STXBP5: variants seen among roughly 807,000 people sequenced by gnomAD.
STXBP5 encodes syntaxin binding protein 5, also known as syntaxin-binding protein 5.
STXBP5 carries 50 observed loss-of-function variants against 152.4 expected under a neutral mutation model. That is an observed-to-expected ratio of 0.33 (90% CI 0.26 to 0.42). STXBP5 has a LOEUF of 0.42. Among genes scored for constraint, STXBP5 ranks in the 10% least tolerant of loss-of-function variants. STXBP5 has a pLI of 1.00. For missense variants in STXBP5, 1,167 were observed against 1,388.6 expected (o/e 0.84, Z 2.54); for synonymous variants, 492 against 494.7 (o/e 0.99, Z 0.07).
At chr6:147,225,020 T>G (rs997208453) in intron 2 of STXBP5, among the ~76,000 whole-genome samples, 2 of 152,226 alleles carry the variant, frequency 1.3e-5, no homozygotes, top group Non-Finnish European at 2.9e-5. Context: ...TTTGAAGGCA[T>G]ATCAAAATAC....
At chr6:147,233,902 A>T (rs949043084) in intron 2 of STXBP5, among the ~76,000 whole-genome samples, 1 of 149,794 alleles carries the variant, frequency 6.7e-6, no homozygotes, top group Non-Finnish European at 1.5e-5. Context: ...TATTACTACT[A>T]ACAATAATTC....
intron 26 of STXBP5, among the ~76,000 whole-genome samples, chr6:147,380,294 T>C (rs1002769797): frequency 6.6e-6 from 1 of 151,646 alleles, no homozygotes; most frequent in Admixed American, 6.6e-5. Flanking sequence ...CAAGACAGTG[T>C]GGTACTGGCA....
intron 15 of STXBP5, 135 bp from the exon 16 acceptor site, chr6:147,316,094 T>C (rs1271411403): frequency 2.5e-5 from 22 of 871,736 alleles, no homozygotes; most frequent in Non-Finnish European, 1.7e-6. Flanking sequence ...TTTTTTGAAA[T>C]CTTGCTAAAT....
chr6:147,240,851 A>G (rs1375077096), intron 4 of STXBP5, among the ~76,000 whole-genome samples: 1 of 152,216 alleles, frequency 6.6e-6, no homozygotes, highest in Non-Finnish European at 1.5e-5. Context: ...GCAAGCATAG[A>G]GACTAGAGAG....
intron 19 of STXBP5, among the ~76,000 whole-genome samples, chr6:147,338,331 A>G (rs1033463853): frequency 1.3e-5 from 2 of 152,074 alleles, no homozygotes; most frequent in East Asian, 1.9e-4. Context: ...TAGATAAAAC[A>G]TTAAGGGAAC....
At chr6:147,223,358 C>G (rs1777552802) in intron 2 of STXBP5, among the ~76,000 whole-genome samples, 1 of 152,088 alleles carries the variant, frequency 6.6e-6, no homozygotes, top group Non-Finnish European at 1.5e-5. Flanking sequence ...TTGGTAAAGA[C>G]TTACTAAACT....
chr6:147,277,774 T>C (rs1302564255), intron 7 of STXBP5, among the ~76,000 whole-genome samples: 1 of 152,152 alleles, frequency 6.6e-6, no homozygotes, highest in East Asian at 1.9e-4. Flanking sequence ...TTAGGTATTG[T>C]TTATGCTAAA....
intron 8 of STXBP5, among the ~76,000 whole-genome samples, chr6:147,280,586 G>A (rs116008189): frequency 0.015 from 2,311 of 152,160 alleles, 64 homozygotes; most frequent in African/African-American, 0.053. Flanking sequence ...TTTAGTTTTA[G>A]CATCTGTTGA....
Position 147,257,848 on chromosome 6 carries a change from G to A in STXBP5, c.432-2767G>A, listed in dbSNP as rs566656044. Among the ~76,000 whole-genome samples, 116 of 152,238 alleles carry A rather than the reference G, an allele frequency of 7.6e-4. 1 individual carries two copies. Among genetic ancestry groups the A allele is most frequent in the South Asian group, 4.4e-3 (21 of 4,818 alleles). Reference sequence around the variant, plus strand: ...GGCTAAAATAACAGCCATTTTGTTGGCTCATAGTTCTGTTGGGTCGGCAAC... The same window carrying A: ...GGCTAAAATAACAGCCATTTTGTTGACTCATAGTTCTGTTGGGTCGGCAAC... On this transcript the variant is annotated intron_variant, in intron 4 of 27. Transcript: ENST00000321680.
At chr6:147,310,932 C>A (rs572378683) in intron 10 of STXBP5, among the ~76,000 whole-genome samples, 47 of 151,984 alleles carry the variant, frequency 3.1e-4, no homozygotes, top group Non-Finnish European at 6.2e-4. Context: ...GCTGGGGGCA[C>A]CATATTATAG....
intron 9 of STXBP5, among the ~76,000 whole-genome samples, chr6:147,295,012 G>T (rs577795203): frequency 8.5e-5 from 13 of 152,152 alleles, no homozygotes; most frequent in African/African-American, 2.4e-4. Flanking sequence ...TATTATCTTT[G>T]GTAGGTTACC....
At position 147,216,134 on chromosome 6, in the gene STXBP5, G is replaced by C. The variant is rs192975525; in HGVS notation, c.248+10066G>C. ...TGGCTGGGCACGGTTGCTCACGCCTGTAATCCCAGCGCTTTGGGAGGCTGA... is the reference window on the plus strand; with the variant it reads ...TGGCTGGGCACGGTTGCTCACGCCTCTAATCCCAGCGCTTTGGGAGGCTGA... On this transcript the variant is annotated intron_variant, in intron 2 of 27. Coordinates refer to ENST00000321680, the MANE Select transcript of STXBP5 (RefSeq NM_001127715.4). Among the ~76,000 whole-genome samples the C allele has an allele frequency of 2.0e-4, 31 of 152,296 alleles. No individual in the cohort carries two copies. The East Asian group carries it at 5.6e-3, about 28-fold the overall frequency.
chr6:147,369,494 T>C (rs1785446005), intron 25 of STXBP5, among the ~76,000 whole-genome samples: 1 of 151,990 alleles, frequency 6.6e-6, no homozygotes, highest in African/African-American at 2.4e-5. Context: ...ATTTCTACTC[T>C]TCAGAAGACA....
chr6:147,380,234 G>T (rs149002160), intron 26 of STXBP5, among the ~76,000 whole-genome samples: 59 of 150,584 alleles, frequency 3.9e-4, no homozygotes, highest in African/African-American at 1.4e-3. Context: ...AAAAAAGCTG[G>T]AGGGACTCAA....
intron 4 of STXBP5, among the ~76,000 whole-genome samples, chr6:147,249,426 A>C (rs1778977905): frequency 6.6e-6 from 1 of 152,142 alleles, no homozygotes; most frequent in African/African-American, 2.4e-5. Flanking sequence ...TGTTTGTAGG[A>C]CTCAGTACTT....
At chr6:147,271,561 A>C (rs994464437) in intron 7 of STXBP5, among the ~76,000 whole-genome samples, 1 of 152,132 alleles carries the variant, frequency 6.6e-6, no homozygotes, top group African/African-American at 2.4e-5. Flanking sequence ...CCATGAGTCA[A>C]AGAAGAAAAC....
chr6:147,219,608 T>C (rs183897262), intron 2 of STXBP5, among the ~76,000 whole-genome samples: 1 of 152,134 alleles, frequency 6.6e-6, no homozygotes, highest in African/African-American at 2.4e-5. Context: ...GTCTGAGTTT[T>C]GGTAGATTGT....
intron 9 of STXBP5, among the ~76,000 whole-genome samples, chr6:147,307,611 A>C (rs1157528833): frequency 1.3e-5 from 2 of 152,196 alleles, no homozygotes; most frequent in East Asian, 1.9e-4. Context: ...TAATGAAAAA[A>C]CATATAACCT....
intron 18 of STXBP5, among the ~76,000 whole-genome samples, chr6:147,328,285 GT>G (rs1783376656): frequency 6.6e-6 from 1 of 152,162 alleles, no homozygotes; most frequent in Admixed American, 6.6e-5. Flanking sequence ...CCCAGGGCCT[GT>G]CCTGCCCAAC....
Sources: allele counts gnomAD v4.1 joint callset (sites outside exome capture counted in the v4.1 genomes callset), GRCh38; gene constraint gnomAD v4.1.1; transcripts MANE v1.5; gene names NCBI Gene and HGNC (gene_info 2026-07-23, HGNC 2026-07-21).